EIF4B: variants seen among roughly 807,000 people sequenced by gnomAD.
The protein encoded by EIF4B is eukaryotic translation initiation factor 4B.
Under a neutral mutation model 79.3 loss-of-function variants are expected in EIF4B, and 8 were observed. That is an observed-to-expected ratio of 0.10 (90% CI 0.06 to 0.18). EIF4B has a LOEUF of 0.18. Ranked by LOEUF, EIF4B falls within the 10% of genes least tolerant of loss-of-function variation. EIF4B has a pLI of 1.00. For missense variants in EIF4B, 515 were observed against 792.4 expected, an observed-to-expected ratio of 0.65 and a Z score of 4.20; for synonymous variants, 238 against 274.7, an observed-to-expected ratio of 0.87 and a Z score of 1.32.
At chr12:53,025,106 G>A in intron 6 of EIF4B, 2 of 408,104 alleles carry the variant, frequency 4.9e-6, no homozygotes, top group South Asian at 3.7e-5. Flanking sequence ...TCTGAAAGAA[G>A]GATAAATCAG....
At chr12:53,036,546 C>T (rs773745596) in intron 10 of EIF4B, among the ~76,000 whole-genome samples, 14 of 151,262 alleles carry the variant, frequency 9.3e-5, no homozygotes, top group African/African-American at 3.2e-4. Flanking sequence ...AGCTGTTATA[C>T]GACGGGTGCA....
chr12:53,008,114 C>T (rs796409302), intron 1 of EIF4B, among the ~76,000 whole-genome samples: 12 of 152,304 alleles, frequency 7.9e-5, no homozygotes, highest in African/African-American at 2.6e-4. Flanking sequence ...GCTTAAAGTA[C>T]TTACTTGGTC....
chr12:53,034,549 A>G, intron 9 of EIF4B, 63 bp from the exon 10 acceptor site: 1 of 1,515,846 alleles, frequency 6.6e-7, no homozygotes, highest in South Asian at 1.1e-5. Flanking sequence ...AGGGGTCAGC[A>G]TGGGTCTAAG....
chr12:53,020,750 T>C (rs1212570056), intron 4 of EIF4B, among the ~76,000 whole-genome samples: 1 of 152,150 alleles, frequency 6.6e-6, no homozygotes, highest in Non-Finnish European at 1.5e-5. Flanking sequence ...TCATAATTGA[T>C]TACCATCATG....
At chr12:53,006,849 G>A (rs1270610509) in intron 1 of EIF4B, among the ~76,000 whole-genome samples, 2 of 151,898 alleles carry the variant, frequency 1.3e-5, no homozygotes, top group Non-Finnish European at 2.9e-5. Flanking sequence ...AGGCGTGGAG[G>A]AAGGAAGGAG....
At chr12:53,034,823 G>A (rs1203621344) in intron 10 of EIF4B, 114 bp downstream of exon 10, 1 of 1,182,662 alleles carries the variant, frequency 8.5e-7, no homozygotes, top group Admixed American at 2.0e-5. Flanking sequence ...CTTTATTTGG[G>A]TTGCATGGGC....
At chr12:53,011,649 G>A (rs1011495096) in intron 1 of EIF4B, among the ~76,000 whole-genome samples, 1 of 152,238 alleles carries the variant, frequency 6.6e-6, no homozygotes, top group Non-Finnish European at 1.5e-5. Context: ...GAGTTAAGAA[G>A]TAGGCTGTAT....
At chr12:53,039,486 A>C in intron 13 of EIF4B, 143 bp downstream of exon 13, 1 of 1,260,790 alleles carries the variant, frequency 7.9e-7, no homozygotes, top group Non-Finnish European at 1.1e-6. Flanking sequence ...AAGATTCTGA[A>C]AATCTAGAAG....
rs916576358 is a variant in EIF4B, at chr12:53,041,602, C to T, written c.*1379C>T. 3 of 152,058 alleles carry T rather than the reference C, an allele frequency of 2.0e-5. No homozygotes were observed. Among genetic ancestry groups the T allele is most frequent in the African/African-American group, 7.2e-5 (3 of 41,424 alleles). The allele number at this position is 152,058 out of a possible 1,614,324, so 9.4% of individuals were successfully genotyped here. A position where few individuals can be genotyped will look rare whatever the true frequency, so the allele number is the denominator to read the frequency against. On this transcript the variant is annotated 3_prime_UTR_variant, in exon 15 of 15. Coordinates refer to ENST00000262056, the MANE Select transcript of EIF4B (RefSeq NM_001417.7). ...TCTTGCAACACAGTAGCTAAACTTG[C>T]CTGCTTTTATATGCATTTTTGTAGG...
chr12:53,009,515 A>C (rs936292831), intron 1 of EIF4B, among the ~76,000 whole-genome samples: 14 of 152,196 alleles, frequency 9.2e-5, no homozygotes, highest in African/African-American at 3.4e-4. Flanking sequence ...AACAAAAACA[A>C]ACTTTAAAAT....
Position 53,020,542 on chromosome 12 carries a change from A to G in EIF4B, c.477+516A>G, listed in dbSNP as rs73301518. 6.9e-3 allele frequency among the ~76,000 whole-genome samples: 1,045 copies of G among 152,310 alleles called. 15 individuals are homozygous for G. The highest frequency in any genetic ancestry group is 0.024 in the African/African-American group (999 of 41,570). Reference sequence around the variant, plus strand: ...GTCCTTCTGCTTGTCAACACTGCCCACAAAGGTTTTCCTGTCCCAGGACTT... The same window carrying G: ...GTCCTTCTGCTTGTCAACACTGCCCGCAAAGGTTTTCCTGTCCCAGGACTT... On this transcript the variant is annotated intron_variant, in intron 4 of 14. Coordinates refer to ENST00000262056, the MANE Select transcript of EIF4B (RefSeq NM_001417.7).
chr12:53,006,870 C>T (rs1312430055), intron 1 of EIF4B, among the ~76,000 whole-genome samples: 2 of 151,082 alleles, frequency 1.3e-5, no homozygotes, highest in Admixed American at 6.6e-5. Flanking sequence ...GCGGTTGCTG[C>T]GCGGACGAGT....
chr12:53,019,876 T>C, intron 3 of EIF4B, 34 bp from the exon 4 acceptor site: 4 of 1,592,962 alleles, frequency 2.5e-6, no homozygotes, highest in Non-Finnish European at 3.4e-6. Context: ...AGAAGAATGC[T>C]GGGAAACTTT....
intron 6 of EIF4B, among the ~76,000 whole-genome samples, chr12:53,026,769 T>C (rs1349013059): frequency 6.6e-6 from 1 of 152,072 alleles, no homozygotes; most frequent in African/African-American, 2.4e-5. Context: ...GCCCGGCTAA[T>C]TTTTTGTATA....
At chr12:53,030,410 A>ATTTTTTTTTTTTTTTTTTTTTTTTTT (rs1555153412) in intron 8 of EIF4B, among the ~76,000 whole-genome samples, 17 of 34,188 alleles carry the variant, frequency 5.0e-4, no homozygotes, top group Non-Finnish European at 1.1e-3. Context: ...AAAAAATTAT[A>ATTTTTTTTTTTTTTTTTTTTTTTTTT]TTCTTTTTTT....
chr12:53,039,102 G>C (rs1209919244), intron 12 of EIF4B, 136 bp from the exon 13 acceptor site: 1 of 608,494 alleles, frequency 1.6e-6, no homozygotes, highest in East Asian at 2.9e-5. Context: ...GCTTCAGGAA[G>C]GAAGTCTGGG....
chr12:53,038,518 A>G lies in EIF4B; in HGVS notation c.1576+107A>G. On this transcript the variant is annotated intron_variant, in intron 12 of 14. Transcript: ENST00000262056. ...TGTGTCTCGCACCTGATACCGTGTT[A>G]AGAGTTCTTGGGTTGGCCAGGCGCA... 1.5e-5 allele frequency: 18 copies of G among 1,166,730 alleles called. No individual in the cohort carries two copies. The South Asian group carries it at 3.2e-4, about 21-fold the overall frequency. The allele number at this position is 1,166,730 out of a possible 1,614,324, so 72.3% of individuals were successfully genotyped here. A position where few individuals can be genotyped will look rare whatever the true frequency, so the allele number is the denominator to read the frequency against.
chr12:53,034,480 G>T, intron 9 of EIF4B, 132 bp from the exon 10 acceptor site: 1 of 847,474 alleles, frequency 1.2e-6, no homozygotes, highest in South Asian at 1.6e-5. Flanking sequence ...CAAATAGTTT[G>T]AGGGAAAGAT....
intron 2 of EIF4B, among the ~76,000 whole-genome samples, chr12:53,018,539 T>C (rs1295752305): frequency 1.3e-5 from 2 of 152,116 alleles, no homozygotes; most frequent in Non-Finnish European, 2.9e-5. Context: ...GAATATAAAG[T>C]AGCTGGCACA....
Sources: gnomAD v4.1 joint callset for allele counts (sites outside exome capture counted in the v4.1 genomes callset) on GRCh38, gnomAD v4.1.1 for gene constraint, MANE v1.5 for transcripts, NCBI Gene and HGNC (gene_info 2026-07-23, HGNC 2026-07-21) for gene names.